The following CXADR variants were observed in gnomAD, a reference collection of about 807,000 sequenced individuals.
CXADR encodes the protein coxsackievirus and adenovirus receptor.
CXADR carries 20 observed loss-of-function variants against 40.3 expected under a neutral mutation model. The observed-to-expected ratio is 0.50, with a 90% CI of 0.35 to 0.72. The LOEUF is 0.72. CXADR is among the 30% of genes least tolerant of loss of function. The probability of loss-of-function intolerance (pLI) is 0.01; values close to 1 mark genes in which losing one functional copy is unlikely to be tolerated. For synonymous variants in CXADR, 150 were observed against 161.3 expected, an observed-to-expected ratio of 0.93 and a Z score of 0.53; for missense variants, 332 against 449.1, an observed-to-expected ratio of 0.74 and a Z score of 2.36.
At chr21:17,593,035 C>G (rs545807941) in intron 7 of CXADR, 76 of 885,308 alleles carry the variant, frequency 8.6e-5, no homozygotes, top group Non-Finnish European at 1.1e-4. Flanking sequence ...TAATTTAAGA[C>G]TGCAAATTTA....
chr21:17,636,089 T>G, the CXADR span, among the ~76,000 whole-genome samples: 5,504 of 152,312 alleles, frequency 0.036, 355 homozygotes, highest in African/African-American at 0.12. Context: ...AATTTCTGAT[T>G]GTTTATTGCT....
At chr21:17,626,347 T>C in the CXADR span, among the ~76,000 whole-genome samples, 1 of 152,236 alleles carries the variant, frequency 6.6e-6, no homozygotes, top group Non-Finnish European at 1.5e-5. Flanking sequence ...TTTCTCAAAA[T>C]TGGTTCCTGG....
At chr21:17,614,523 AT>A in the CXADR span, among the ~76,000 whole-genome samples, 22 of 152,164 alleles carry the variant, frequency 1.4e-4, no homozygotes, top group Non-Finnish European at 2.1e-4. Context: ...AGAGAGGATC[AT>A]TTGACTCCAG....
intron 1 of CXADR, among the ~76,000 whole-genome samples, chr21:17,515,313 G>C: frequency 6.6e-6 from 1 of 152,100 alleles, no homozygotes; most frequent in Non-Finnish European, 1.5e-5. Context: ...GCTAGGTGCA[G>C]TGATGCTTGT....
At chr21:17,526,463 A>G (rs2060599640) in intron 1 of CXADR, among the ~76,000 whole-genome samples, 2 of 152,210 alleles carry the variant, frequency 1.3e-5, no homozygotes, top group Admixed American at 1.3e-4. Flanking sequence ...CTTGAGTATA[A>G]AGCAGAAAAG....
At chr21:17,627,592 A>T in the CXADR span, among the ~76,000 whole-genome samples, 2 of 152,222 alleles carry the variant, frequency 1.3e-5, no homozygotes, top group Non-Finnish European at 2.9e-5. Context: ...AGTCAAGACC[A>T]TCGGGAAATA....
the CXADR span, among the ~76,000 whole-genome samples, chr21:17,616,012 A>G: frequency 6.6e-6 from 1 of 152,154 alleles, no homozygotes; most frequent in Admixed American, 6.5e-5. Context: ...GAACTTTGGG[A>G]GGCTGAGGCA....
At chr21:17,621,822 C>A in the CXADR span, among the ~76,000 whole-genome samples, 1 of 152,136 alleles carries the variant, frequency 6.6e-6, no homozygotes, top group Admixed American at 6.5e-5. Context: ...TACCCAGTTC[C>A]AAGTATTTTG....
rs770961398 is a variant in CXADR at position 17,593,130 on chromosome 21, ATC to A, written c.1018-18_1018-17del. ...GAAAAATCAAAACTCTTATAGAGAT[ATC>A]TCTTTTTTTCTTTTTGTAGTTCAAG... On this transcript the variant is annotated intron_variant, in intron 7 of 7. Coordinates refer to the CXADR transcript ENST00000400169. 8.5e-5 allele frequency: 119 copies of A among 1,399,124 alleles called. 1 individual carries two copies. The East Asian group carries it at 2.2e-3, about 26-fold the overall frequency. The allele number at this position is 1,399,124 out of a possible 1,614,324, so 86.7% of individuals were successfully genotyped here.
rs548221036 is a variant in CXADR at position 17,565,253 on chromosome 21, G to A, written c.834-175G>A. ...ATTGGAGACATACACAATTTATGACGTTATGGCTTGTGCTTTTTGCTTTTT... is the reference window on the plus strand; with the variant it reads ...ATTGGAGACATACACAATTTATGACATTATGGCTTGTGCTTTTTGCTTTTT... On this transcript the variant is annotated intron_variant, in intron 6 of 6. Coordinates refer to ENST00000284878, the MANE Select transcript of CXADR (RefSeq NM_001338.5). Among the ~76,000 whole-genome samples the A allele has an allele frequency of 1.8e-4, 28 of 151,632 alleles. 1 individual carries two copies. The South Asian group carries it at 3.5e-3, about 19-fold the overall frequency.
chr21:17,515,171 T>C (rs2060444503), intron 1 of CXADR, among the ~76,000 whole-genome samples: 1 of 152,028 alleles, frequency 6.6e-6, no homozygotes, highest in South Asian at 2.1e-4. Context: ...GGCACGGTGC[T>C]TGTAATCCCA....
chr21:17,594,333 C>T, downstream of CXADR: 1 of 1,612,268 alleles, frequency 6.2e-7, no homozygotes, highest in African/African-American at 1.3e-5. Context: ...GTTCTGAAAT[C>T]TGTAGGGAAG....
At chr21:17,631,954 G>C in the CXADR span, among the ~76,000 whole-genome samples, 6 of 152,130 alleles carry the variant, frequency 3.9e-5, no homozygotes, top group Non-Finnish European at 7.4e-5. Flanking sequence ...TGGGACCACA[G>C]GTGTGCACCA....
chr21:17,557,360 C>G (rs149437422), intron 3 of CXADR, among the ~76,000 whole-genome samples: 48 of 152,330 alleles, frequency 3.2e-4, no homozygotes, highest in African/African-American at 1.2e-3. Flanking sequence ...GCTCCCACTT[C>G]CTGTTTAATC....
At chr21:17,548,396 TTC>T (rs1313333546) in intron 2 of CXADR, among the ~76,000 whole-genome samples, 1 of 152,074 alleles carries the variant, frequency 6.6e-6, no homozygotes, top group Non-Finnish European at 1.5e-5. Flanking sequence ...CAGAACTTCT[TTC>T]TGTTTCCCTG....
the CXADR span, among the ~76,000 whole-genome samples, chr21:17,620,146 C>T: frequency 3.3e-5 from 5 of 152,356 alleles, no homozygotes; most frequent in African/African-American, 9.6e-5. Context: ...CACAAGAGCC[C>T]TACCTTTCAG....
At chr21:17,601,095 A>G in the CXADR span, among the ~76,000 whole-genome samples, 1 of 152,072 alleles carries the variant, frequency 6.6e-6, no homozygotes, top group Non-Finnish European at 1.5e-5. Flanking sequence ...CCTGGGAGGC[A>G]GAGGTTGCAG....
intron 1 of CXADR, among the ~76,000 whole-genome samples, chr21:17,522,532 T>G (rs957554170): frequency 3.9e-5 from 6 of 152,198 alleles, no homozygotes; most frequent in Non-Finnish European, 7.3e-5. Flanking sequence ...CCACTAATTC[T>G]TCCATCCTTT....
chr21:17,587,976 T>C (rs2061409554), intron 7 of CXADR, among the ~76,000 whole-genome samples: 1 of 152,128 alleles, frequency 6.6e-6, no homozygotes, highest in South Asian at 2.1e-4. Flanking sequence ...CCCAGCACCA[T>C]TTATTAAATA....
Sources: allele counts gnomAD v4.1 joint callset (sites outside exome capture counted in the v4.1 genomes callset), GRCh38; gene constraint gnomAD v4.1.1; transcripts MANE v1.5; gene names NCBI Gene and HGNC (gene_info 2026-07-23, HGNC 2026-07-21).